COL22A1: variants seen among roughly 807,000 people sequenced by gnomAD.
The protein encoded by COL22A1 is collagen alpha-1(XXII) chain.
Under a neutral mutation model 248.9 loss-of-function variants are expected in COL22A1, and 221 were observed. That is an observed-to-expected ratio of 0.89 (90% CI 0.80 to 0.99). COL22A1 has a LOEUF of 0.99. COL22A1 is among the 50% of genes least tolerant of loss of function. The pLI is 0.00. For synonymous variants in COL22A1, 891 were observed against 793.4 expected, an observed-to-expected ratio of 1.12 and a Z score of -2.07; for missense variants, 2,240 against 2,179.0, an observed-to-expected ratio of 1.03 and a Z score of -0.56.
At chr8:138,778,242 A>G in intron 15 of COL22A1, 111 bp downstream of exon 15, 1 of 1,181,178 alleles carries the variant, frequency 8.5e-7, no homozygotes, top group Non-Finnish European at 1.3e-6. Context: ...TGGCATCAGT[A>G]AGGCAAAACA....
intron 41 of COL22A1, among the ~76,000 whole-genome samples, chr8:138,673,459 G>A (rs936975240): frequency 4.6e-5 from 7 of 152,094 alleles, no homozygotes; most frequent in Middle Eastern, 6.8e-3. Context: ...CCCACCTGCC[G>A]CAGCCTCCCA....
intron 1 of COL22A1, among the ~76,000 whole-genome samples, chr8:138,893,438 C>T (rs972687385): frequency 1.1e-4 from 17 of 152,138 alleles, no homozygotes; most frequent in African/African-American, 1.4e-4. Flanking sequence ...TTTAATTAAA[C>T]GAGTTACGAT....
At chr8:138,814,979 G>A (rs1342041939) in intron 7 of COL22A1, among the ~76,000 whole-genome samples, 1 of 152,144 alleles carries the variant, frequency 6.6e-6, no homozygotes, top group Non-Finnish European at 1.5e-5. Flanking sequence ...GGGCCAGGTG[G>A]AGATAATTGA....
intron 3 of COL22A1, among the ~76,000 whole-genome samples, chr8:138,856,342 C>T (rs956766019): frequency 9.2e-5 from 14 of 152,070 alleles, no homozygotes; most frequent in Admixed American, 3.9e-4. Context: ...TGTGTGAATG[C>T]ATTTGGGCGT....
At chr8:138,865,581 G>A (rs1275149377) in intron 3 of COL22A1, among the ~76,000 whole-genome samples, 3 of 150,642 alleles carry the variant, frequency 2.0e-5, no homozygotes, top group South Asian at 2.1e-4. Flanking sequence ...GTATGCCTGT[G>A]TGTGAGTGTA....
chr8:138,704,460 G>A (rs1352270048), intron 30 of COL22A1, among the ~76,000 whole-genome samples: 1 of 152,228 alleles, frequency 6.6e-6, no homozygotes, highest in East Asian at 1.9e-4. Flanking sequence ...AACATTTGCT[G>A]TTCTGCAATA....
At chr8:138,738,627 G>C (rs1298085384) in intron 22 of COL22A1, among the ~76,000 whole-genome samples, 1 of 152,132 alleles carries the variant, frequency 6.6e-6, no homozygotes, top group Non-Finnish European at 1.5e-5. Context: ...TGCAAATCGA[G>C]GCTCAGACCT....
At chr8:138,810,268 C>T (rs1471957347) in intron 9 of COL22A1, among the ~76,000 whole-genome samples, 1 of 152,186 alleles carries the variant, frequency 6.6e-6, no homozygotes. Context: ...GGTCTGGCAT[C>T]GCTCCTGGCA....
chr8:138,703,500 A>G (rs996741404), intron 30 of COL22A1, among the ~76,000 whole-genome samples, 153 bp from the exon 31 acceptor site: 1 of 152,176 alleles, frequency 6.6e-6, no homozygotes, highest in Non-Finnish European at 1.5e-5. Flanking sequence ...ACCTTGATAG[A>G]TACATACATA....
At chr8:138,796,608 C>A (rs1294474027) in intron 12 of COL22A1, among the ~76,000 whole-genome samples, 1 of 151,844 alleles carries the variant, frequency 6.6e-6, no homozygotes, top group Non-Finnish European at 1.5e-5. Context: ...CATTTTCTGT[C>A]TCCACCTTCT....
chr8:138,855,821 C>T (rs2131927352), intron 3 of COL22A1, among the ~76,000 whole-genome samples: 1 of 152,334 alleles, frequency 6.6e-6, no homozygotes, highest in African/African-American at 2.4e-5. Context: ...TCAGCAACTT[C>T]ACCTGTCCCC....
At chr8:138,805,695 TG>T (rs1311489075) in intron 10 of COL22A1, among the ~76,000 whole-genome samples, 2 of 141,020 alleles carry the variant, frequency 1.4e-5, no homozygotes, top group African/African-American at 5.3e-5. Context: ...GTGTTTGTGA[TG>T]GTGTGGGATG....
rs1232551617 is a variant in COL22A1 at position 138,685,289 on chromosome 8, G to C, written c.2886C>G (p.Ser962Arg). The change falls in exon 38 of 65, where the codon AGC becomes AGG. Residue 962 changes from serine to arginine, a missense_variant. Ser to Arg is a moderately radical substitution (Grantham distance 110). Coordinates refer to ENST00000303045, the MANE Select transcript of COL22A1 (RefSeq NM_152888.3). Reference protein sequence around the residue: ...GEKGAAGEEGSPGPVGPRGDP... With the variant: ...GEKGAAGEEGRPGPVGPRGDP... ...CTCCCCTGGGACCAACTGGCCCTGG[G>C]CTGCCTTCTTCCCCCGCTGCACCCT... 1.9e-6 allele frequency: 3 copies of C among 1,613,732 alleles called. No individual in the cohort carries two copies. Among genetic ancestry groups the C allele is most frequent in the African/African-American group, 1.3e-5 (1 of 74,894 alleles).
rs1470513805 is a variant in COL22A1 at position 138,722,080 on chromosome 8, CA to C, written c.2256del (p.Gly753GlufsTer62). Reference sequence around the variant, plus strand: ...GGTGGTCCATTTGGCCCGTCCTTTCCAGGGGGTCCCTGGGCCAAGAGGGGAA... The same window carrying C: ...GGTGGTCCATTTGGCCCGTCCTTTCCGGGGGTCCCTGGGCCAAGAGGGGAA... ...KPGPPGPTGP[P>X]GKDGPNGPPG... is the part of the protein sequence containing the mutation. On this transcript the variant is annotated frameshift_variant, in exon 26 of 65. Coordinates refer to ENST00000303045, the MANE Select transcript of COL22A1 (RefSeq NM_152888.3). LOFTEE classifies it high-confidence loss of function. 1.1e-5 allele frequency: 17 copies of C among 1,583,468 alleles called. No homozygotes were observed. Among genetic ancestry groups the C allele is most frequent in the Non-Finnish European group, 1.4e-5 (16 of 1,162,970 alleles).
Position 138,588,465 on chromosome 8 carries a change from G to T in COL22A1, c.*788C>A, listed in dbSNP as rs1002426184. 2.0e-5 allele frequency: 3 copies of T among 152,202 alleles called. No individual in the cohort carries two copies. Among genetic ancestry groups the T allele is most frequent in the Non-Finnish European group, 4.4e-5 (3 of 68,036 alleles). The allele number at this position is 152,202 out of a possible 1,614,324, so 9.4% of individuals were successfully genotyped here. Reference sequence around the variant, plus strand: ...TAATTGAAACCAACAAGAGGAACTTGAAGGGGCCTTACACAGTTTAGAAGA... The same window carrying T: ...TAATTGAAACCAACAAGAGGAACTTTAAGGGGCCTTACACAGTTTAGAAGA... On this transcript the variant is annotated 3_prime_UTR_variant, in exon 65 of 65. Transcript: ENST00000303045.
At chr8:138,901,418 G>A (rs1436350355) in intron 1 of COL22A1, among the ~76,000 whole-genome samples, 1 of 138,048 alleles carries the variant, frequency 7.2e-6, no homozygotes, top group East Asian at 2.3e-4. Context: ...CTAGGCTGGA[G>A]TGCAGTGGTG....
intron 39 of COL22A1, among the ~76,000 whole-genome samples, chr8:138,680,402 C>T (rs1564185095): frequency 1.3e-5 from 2 of 152,156 alleles, no homozygotes; most frequent in Non-Finnish European, 2.9e-5. Context: ...AGTCATCTGT[C>T]TTGTAGGTAG....
chr8:138,663,647 T>C, intron 42 of COL22A1, 58 bp downstream of exon 42: 1 of 1,338,622 alleles, frequency 7.5e-7, no homozygotes, highest in Non-Finnish European at 1.1e-6. Context: ...AAAACTGCTT[T>C]GATTCGAGCA....
At chr8:138,634,801 C>T (rs963746709) in intron 49 of COL22A1, among the ~76,000 whole-genome samples, 4 of 152,208 alleles carry the variant, frequency 2.6e-5, no homozygotes, top group African/African-American at 9.6e-5. Flanking sequence ...ACTCTAATTG[C>T]ATGGTCCATC....
Sources: gnomAD v4.1 joint callset for allele counts (sites outside exome capture counted in the v4.1 genomes callset) on GRCh38, gnomAD v4.1.1 for gene constraint, MANE v1.5 for transcripts, NCBI Gene and HGNC (gene_info 2026-07-23, HGNC 2026-07-21) for gene names.